Variants in CEP43 observed in about 807,000 individuals in gnomAD.
CEP43 encodes centrosomal protein 43.
In CEP43, 36 loss-of-function variants were observed where a neutral mutation model predicts 52.6. The observed-to-expected ratio is 0.68, with a 90% CI of 0.52 to 0.90. The LOEUF is 0.90. CEP43 is among the 40% of genes least tolerant of loss of function. CEP43 has a pLI of 0.00. For missense variants in CEP43, 506 were observed against 472.8 expected (o/e 1.07, Z -0.65); for synonymous variants, 192 against 172.4 (o/e 1.11, Z -0.89).
At chr6:167,008,908 A>G (rs537794709) in intron 5 of CEP43, among the ~76,000 whole-genome samples, 73 of 152,318 alleles carry the variant, frequency 4.8e-4, no homozygotes, top group African/African-American at 1.7e-3. Flanking sequence ...AAAGAAGTGA[A>G]ACACATAAGA....
rs1779745794 is a variant in CEP43, at chr6:167,001,943, A to G, written c.157-1250A>G. Among the ~76,000 whole-genome samples the G allele has an allele frequency of 2.6e-5, 4 of 152,200 alleles. No homozygotes were observed. In the South Asian group the frequency reaches 8.3e-4, roughly 32 times the overall value. On this transcript the variant is annotated intron_variant, in intron 2 of 12. Coordinates refer to ENST00000366847, the MANE Select transcript of CEP43 (RefSeq NM_007045.4). ...TCCCTCCATTCTCTTAAAATATTTC[A>G]GTTGACTCCCTATCTTAGAATTCCC...
At chr6:167,011,388 G>T (rs1188892746) in intron 6 of CEP43, among the ~76,000 whole-genome samples, 1 of 152,108 alleles carries the variant, frequency 6.6e-6, no homozygotes, top group Non-Finnish European at 1.5e-5. Flanking sequence ...TTACATTTGT[G>T]TGTGTATGCA....
intron 7 of CEP43, among the ~76,000 whole-genome samples, chr6:167,018,868 C>T (rs1262008809): frequency 6.6e-6 from 1 of 152,086 alleles, no homozygotes; most frequent in Non-Finnish European, 1.5e-5. Flanking sequence ...AGCAGATTCC[C>T]GGGTATACAT....
At chr6:167,030,866 C>G (rs1780453644) in intron 10 of CEP43, among the ~76,000 whole-genome samples, 1 of 121,976 alleles carries the variant, frequency 8.2e-6, no homozygotes, top group African/African-American at 2.9e-5. Context: ...CCACCCCATC[C>G]CTTTGTACAA....
Position 167,004,261 on chromosome 6 carries a change from T to C in CEP43, c.301-3T>C, listed in dbSNP as rs577936102. 4 of 1,590,942 alleles carry C rather than the reference T, an allele frequency of 2.5e-6. No homozygotes were observed. Among genetic ancestry groups the C allele is most frequent in the Non-Finnish European group, 3.4e-6 (4 of 1,172,258 alleles). ...TGCACTTGTATTTTAACTTCTTTTC[T>C]AGCTGCAAGGTCTCGAAGGTCGAGA... On this transcript the variant is annotated splice_region_variant and splice_polypyrimidine_tract_variant and intron_variant, in intron 4 of 12. Transcript: ENST00000366847.
Position 167,004,398 on chromosome 6 carries a change from G to A in CEP43, c.435G>A (p.Gly145=). 4 of 1,583,722 alleles carry A rather than the reference G, an allele frequency of 2.5e-6. No homozygotes were observed. Among genetic ancestry groups the A allele is most frequent in the Non-Finnish European group, 3.4e-6 (4 of 1,167,702 alleles). ...CQQKEKGPTT[G]EGALDLSDVH... ...AGAAAGAAAAAGGGCCAACCACTGG[G>A]GAAGTAAGTAGAATTCTGTGTTATC... Residue 145 remains glycine, a synonymous_variant, in exon 5 of 13, where the codon GGG becomes GGA. Transcript: ENST00000366847.
chr6:167,013,438 G>T, intron 6 of CEP43, 70 bp from the exon 7 acceptor site: 1 of 1,269,280 alleles, frequency 7.9e-7, no homozygotes, highest in South Asian at 1.2e-5. Flanking sequence ...ATCTTTGTTT[G>T]GTAATGAGTT....
chr6:167,026,288 A>G (rs149297737), intron 9 of CEP43, among the ~76,000 whole-genome samples: 3,087 of 152,326 alleles, frequency 0.02, 53 homozygotes, highest in East Asian at 0.092. Context: ...GCTTGAACCC[A>G]GAAGGCAGAG....
intron 6 of CEP43, among the ~76,000 whole-genome samples, chr6:167,012,119 G>T (rs1256916194): frequency 6.6e-6 from 1 of 152,154 alleles, no homozygotes; most frequent in East Asian, 1.9e-4. Flanking sequence ...TTAAATAGAT[G>T]AACTTCCAGG....
chr6:167,023,875 AAGAC>A (rs150035836), intron 8 of CEP43, among the ~76,000 whole-genome samples: 184 of 152,312 alleles, frequency 1.2e-3, no homozygotes, highest in African/African-American at 2.0e-3. Flanking sequence ...GAGTGCATTC[AAGAC>A]AGACAGGAAA....
chr6:167,001,622 A>G (rs1227581867), intron 2 of CEP43, among the ~76,000 whole-genome samples: 1 of 152,118 alleles, frequency 6.6e-6, no homozygotes, highest in Non-Finnish European at 1.5e-5. Flanking sequence ...TGCCCACTGT[A>G]TTATGCCCTT....
At position 167,022,601 on chromosome 6, in the gene CEP43, G is replaced by T. The variant is rs1319145491; in HGVS notation, c.772G>T (p.Asp258Tyr). Residue 258 changes from aspartate to tyrosine, a missense_variant, in exon 8 of 13, where the codon GAT becomes TAT. By Grantham distance (160) the Asp-to-Tyr change is radical. Coordinates refer to ENST00000366847, the MANE Select transcript of CEP43 (RefSeq NM_007045.4). ...DDMEGDSFFD[D>Y]PIPKPEKTYG... Reference sequence around the variant, plus strand: ...TATGGAAGGAGATTCTTTCTTTGATGATCCCATTCCTAAGCCAGAGAAAAC... The same window carrying T: ...TATGGAAGGAGATTCTTTCTTTGATTATCCCATTCCTAAGCCAGAGAAAAC... The T allele has an allele frequency of 1.2e-6, 2 of 1,613,920 alleles. No individual in the cohort carries two copies. Among genetic ancestry groups the T allele is most frequent in the Non-Finnish European group, 8.5e-7 (1 of 1,179,896 alleles).
At chr6:167,009,027 G>C (rs574629452) in intron 5 of CEP43, among the ~76,000 whole-genome samples, 102 of 152,238 alleles carry the variant, frequency 6.7e-4, no homozygotes, top group Admixed American at 1.1e-3. Flanking sequence ...GGCCGAGGCA[G>C]GCGGATCACT....
chr6:167,004,369 C>A lies in CEP43; in HGVS notation c.406C>A (p.Gln136Lys). 1.3e-6 allele frequency: 2 copies of A among 1,599,724 alleles called. No homozygotes were observed. The highest frequency in any genetic ancestry group is 1.3e-5 in the African/African-American group (1 of 74,378). ...PLLLEVIRRC[Q>K]QKEKGPTTGE... ...ATTATTAGAAGTGATCAGGCGCTGTCAACAGAAAGAAAAAGGGCCAACCAC... is the reference window on the plus strand; with the variant it reads ...ATTATTAGAAGTGATCAGGCGCTGTAAACAGAAAGAAAAAGGGCCAACCAC... The change falls in exon 5 of 13, where the codon CAA becomes AAA. Residue 136 changes from glutamine (Q) to lysine (K), a missense_variant. Physicochemically the swap from Gln to Lys is moderately conservative, Grantham distance 53. Coordinates refer to ENST00000366847, the MANE Select transcript of CEP43 (RefSeq NM_007045.4).
intron 12 of CEP43, chr6:167,036,387 G>A: frequency 1.0e-6 from 1 of 985,374 alleles, no homozygotes; most frequent in Non-Finnish European, 1.2e-6. Context: ...AGGTGACTTT[G>A]AACCAGAAAT....
rs1039549147 is a variant in CEP43, at chr6:167,041,132, T to G, written c.*1154T>G. On this transcript the variant is annotated 3_prime_UTR_variant, in exon 13 of 13. Coordinates refer to ENST00000366847, the MANE Select transcript of CEP43 (RefSeq NM_007045.4). ...GCGGCTTTTTACTACAAGTTAACTT[T>G]ATTAGTAAAAGGAGCAAATTAGACC... The G allele has an allele frequency of 1.9e-6, 2 of 1,043,088 alleles. No individual in the cohort carries two copies. The highest frequency in any genetic ancestry group is 3.3e-5 in the African/African-American group (2 of 59,864). 64.6% of individuals were successfully genotyped at this position (1,043,088 alleles called of 1,614,324 possible).
intron 10 of CEP43, among the ~76,000 whole-genome samples, chr6:167,030,659 C>T (rs781487450): frequency 6.6e-6 from 1 of 152,198 alleles, no homozygotes; most frequent in Non-Finnish European, 1.5e-5. Context: ...TCTGTCTTAT[C>T]TGTGGGACAC....
chr6:167,037,218 T>C (rs74984832), intron 12 of CEP43, among the ~76,000 whole-genome samples: 3,089 of 152,372 alleles, frequency 0.02, 53 homozygotes, highest in East Asian at 0.092. Context: ...CTGGTTATTA[T>C]TGTGGTCTTT....
At position 167,039,926 on chromosome 6, in the gene CEP43, T is replaced by G; in HGVS notation, c.1148T>G (p.Leu383Arg). The G allele has an allele frequency of 6.2e-7, 1 of 1,613,804 alleles. No homozygotes were observed. The highest frequency in any genetic ancestry group is 8.5e-7 in the Non-Finnish European group (1 of 1,179,672). Residue 383 changes from leucine (L) to arginine (R), a missense_variant, in exon 13 of 13, where the codon CTG becomes CGG. By Grantham distance (102) the Leu-to-Arg change is moderately radical (BLOSUM62 -2). Transcript: ENST00000366847. ...SDKLDDLTQD[L>R]TVSQLSDVAD... is the part of the protein sequence containing the mutation. ...AAGCTTGATGACCTCACACAAGATC[T>G]GACTGTATCCCAGCTCAGTGATGTT...
Sources: gnomAD v4.1 joint callset for allele counts (sites outside exome capture counted in the v4.1 genomes callset) on GRCh38, gnomAD v4.1.1 for gene constraint, MANE v1.5 for transcripts, NCBI Gene and HGNC (gene_info 2026-07-23, HGNC 2026-07-21) for gene names.